NUDT9: variants seen among roughly 807,000 people sequenced by gnomAD.
The protein encoded by NUDT9 is nudix hydrolase 9.
In NUDT9, 31 loss-of-function variants were observed where a neutral mutation model predicts 41.0. The ratio of observed to expected loss-of-function variants is 0.76; its 90% confidence interval spans 0.57 to 1.02. NUDT9 has a LOEUF of 1.02. NUDT9 is among the 50% of genes least tolerant of loss of function. NUDT9 has a pLI of 0.00. For missense variants in NUDT9, 380 were observed against 431.4 expected, an observed-to-expected ratio of 0.88 and a Z score of 1.06; for synonymous variants, 146 against 147.6, an observed-to-expected ratio of 0.99 and a Z score of 0.08.
intron 4 of NUDT9, among the ~76,000 whole-genome samples, chr4:87,448,035 A>T (rs112089991): frequency 0.034 from 4,770 of 138,302 alleles, 93 homozygotes; most frequent in East Asian, 0.078. Flanking sequence ...CTGTCTTTTT[A>T]AAAAAAAAAA....
At chr4:87,438,193 T>G (rs996031581) in intron 2 of NUDT9, 84 bp from the exon 3 acceptor site, 12 of 685,166 alleles carry the variant, frequency 1.8e-5, no homozygotes, top group African/African-American at 7.2e-5. Context: ...ATACTTCTTA[T>G]GGATAACAGA....
chr4:87,456,958 T>G (rs1374343573), intron 7 of NUDT9, among the ~76,000 whole-genome samples: 2 of 152,058 alleles, frequency 1.3e-5, no homozygotes, highest in Non-Finnish European at 2.9e-5. Context: ...AATAAAATAT[T>G]TAAGTAATGT....
rs1233391355 is a variant in NUDT9, at chr4:87,429,801, CCT to C, written c.108-5177_108-5176del. The stretch of plus-strand genomic sequence containing the variant: ...TTTTCGTTCTCCTTCCTTTCTTTTC[CCT>C]CTTTCTGTTTGCCTCTACTTCTCTT... On this transcript the variant is annotated intron_variant, in intron 1 of 7. Coordinates refer to ENST00000302174, the MANE Select transcript of NUDT9 (RefSeq NM_024047.5). 4.0e-5 allele frequency among the ~76,000 whole-genome samples: 6 copies of C among 150,266 alleles called. No individual in the cohort carries two copies. The Admixed American group carries it at 4.0e-4, about 10-fold the overall frequency.
chr4:87,431,860 A>G (rs1010825209), intron 1 of NUDT9, among the ~76,000 whole-genome samples: 2 of 151,978 alleles, frequency 1.3e-5, no homozygotes, highest in Non-Finnish European at 2.9e-5. Flanking sequence ...TAATTTTTGT[A>G]TTTTTAGTAG....
At chr4:87,442,324 G>A (rs1427034367) in intron 4 of NUDT9, among the ~76,000 whole-genome samples, 1 of 152,112 alleles carries the variant, frequency 6.6e-6, no homozygotes, top group East Asian at 1.9e-4. Context: ...GTAAAAACAC[G>A]ATATAAAAGA....
At chr4:87,456,827 G>T (rs567152415) in intron 7 of NUDT9, among the ~76,000 whole-genome samples, 60 of 152,206 alleles carry the variant, frequency 3.9e-4, no homozygotes, top group Middle Eastern at 3.4e-3. Flanking sequence ...GGTACTCGGG[G>T]GGCTGAGGCA....
chr4:87,444,964 T>C (rs918050121), intron 4 of NUDT9, among the ~76,000 whole-genome samples: 4 of 152,160 alleles, frequency 2.6e-5, no homozygotes, highest in African/African-American at 9.7e-5. Flanking sequence ...ATTGATGAGT[T>C]CCTCTAAATA....
intron 1 of NUDT9, among the ~76,000 whole-genome samples, chr4:87,426,726 A>T (rs1008489408): frequency 1.4e-5 from 2 of 146,592 alleles, no homozygotes; most frequent in Admixed American, 6.8e-5. Context: ...TCTTATTTAT[A>T]AAAAAAAAAA....
intron 1 of NUDT9, among the ~76,000 whole-genome samples, chr4:87,423,882 TG>T (rs1450809865): frequency 1.3e-5 from 2 of 152,214 alleles, no homozygotes; most frequent in East Asian, 3.8e-4. Flanking sequence ...AGGTACCAGA[TG>T]GGTAGACTGG....
chr4:87,437,249 CAAAAA>C (rs776722819), intron 2 of NUDT9, among the ~76,000 whole-genome samples: 1 of 55,626 alleles, frequency 1.8e-5, no homozygotes, highest in Non-Finnish European at 3.4e-5. Flanking sequence ...GACTCCATCT[CAAAAA>C]AAAAAAAAAA....
chr4:87,425,391 C>CT (rs70957241), intron 1 of NUDT9, among the ~76,000 whole-genome samples: 9,209 of 116,656 alleles, frequency 0.079, 536 homozygotes, highest in East Asian at 0.26. Context: ...TGTTCTTTTC[C>CT]TTTTTTTTTT....
chr4:87,423,130 C>T, intron 1 of NUDT9, 118 bp downstream of exon 1: 2 of 604,648 alleles, frequency 3.3e-6, no homozygotes, highest in Non-Finnish European at 5.5e-6. Context: ...TTTTTATAGT[C>T]ATATACAAGT....
At chr4:87,425,372 T>C (rs1721363098) in intron 1 of NUDT9, among the ~76,000 whole-genome samples, 1 of 150,102 alleles carries the variant, frequency 6.7e-6, no homozygotes, top group South Asian at 2.1e-4. Flanking sequence ...AGCAAGACCG[T>C]GTCCCTAGTG....
chr4:87,422,825 G>T lies in NUDT9; in HGVS notation c.-81G>T. 1 of 1,066,954 alleles carries T rather than the reference G, an allele frequency of 9.4e-7. No homozygotes were observed. The highest frequency in any genetic ancestry group is 1.4e-5 in the South Asian group (1 of 72,060). 66.1% of individuals were successfully genotyped at this position (1,066,954 alleles called of 1,614,324 possible). ...GTGCCCATCAGATACCCGCGGCCGGGACTCGGAGCTGTGGGGTGTGGGGAG... is the reference window on the plus strand; with the variant it reads ...GTGCCCATCAGATACCCGCGGCCGGTACTCGGAGCTGTGGGGTGTGGGGAG... On this transcript the variant is annotated 5_prime_UTR_variant, in exon 1 of 8. Coordinates refer to ENST00000302174, the MANE Select transcript of NUDT9 (RefSeq NM_024047.5).
At chr4:87,444,436 T>C (rs912858562) in intron 4 of NUDT9, among the ~76,000 whole-genome samples, 1 of 152,110 alleles carries the variant, frequency 6.6e-6, no homozygotes, top group African/African-American at 2.4e-5. Flanking sequence ...ATCCATCCAC[T>C]TACTCACCCA....
At chr4:87,429,994 A>C (rs1223735896) in intron 1 of NUDT9, among the ~76,000 whole-genome samples, 2 of 152,212 alleles carry the variant, frequency 1.3e-5, no homozygotes, top group Non-Finnish European at 2.9e-5. Flanking sequence ...GTTGCCTTAC[A>C]TAGCAAAAGA....
intron 7 of NUDT9, among the ~76,000 whole-genome samples, chr4:87,455,687 A>G (rs1224166877): frequency 1.5e-5 from 2 of 129,492 alleles, no homozygotes; most frequent in African/African-American, 3.0e-5. Context: ...CCCGAGATGG[A>G]GTCTTGCTCT....
intron 2 of NUDT9, 72 bp downstream of exon 2, chr4:87,435,292 CT>C (rs1383173742): frequency 8.9e-6 from 13 of 1,463,540 alleles, no homozygotes; most frequent in Non-Finnish European, 1.2e-5. Context: ...TGTAAAGTAT[CT>C]TTTTGACACC....
intron 5 of NUDT9, among the ~76,000 whole-genome samples, chr4:87,451,148 C>T (rs976298896): frequency 6.6e-6 from 1 of 152,078 alleles, no homozygotes; most frequent in African/African-American, 2.4e-5. Context: ...GTGAACCATG[C>T]AGATATCTAG....
Sources: allele counts gnomAD v4.1 joint callset (sites outside exome capture counted in the v4.1 genomes callset), GRCh38; gene constraint gnomAD v4.1.1; transcripts MANE v1.5; gene names NCBI Gene and HGNC (gene_info 2026-07-23, HGNC 2026-07-21).